SLC14A2: variants seen among roughly 807,000 people sequenced by gnomAD.
SLC14A2 encodes solute carrier family 14 member 2, also known as urea transporter 2.
Under a neutral mutation model 104.6 loss-of-function variants are expected in SLC14A2, and 91 were observed. The ratio of observed to expected loss-of-function variants is 0.87; its 90% CI spans 0.73 to 1.04. The LOEUF is 1.04. SLC14A2 is among the 50% of genes least tolerant of loss of function. SLC14A2 has a pLI of 0.00. For missense variants in SLC14A2, 1,189 were observed against 1,156.0 expected (o/e 1.03, Z -0.41); for synonymous variants, 476 against 466.4 (o/e 1.02, Z -0.27).
At chr18:45,295,042 G>A (rs2054832802) in intron 1 of SLC14A2, among the ~76,000 whole-genome samples, 1 of 152,058 alleles carries the variant, frequency 6.6e-6, no homozygotes, top group African/African-American at 2.4e-5. Context: ...ACCTCCAGTG[G>A]ACACGTAATG....
chr18:45,673,424 G>T (rs1428378928), intron 17 of SLC14A2, among the ~76,000 whole-genome samples: 1 of 152,182 alleles, frequency 6.6e-6, no homozygotes, highest in Non-Finnish European at 1.5e-5. Context: ...ATATTCTCTG[G>T]ACTGTTTAAA....
intron 2 of SLC14A2, among the ~76,000 whole-genome samples, chr18:45,542,555 T>C (rs1373983355): frequency 6.6e-6 from 1 of 152,136 alleles, no homozygotes; most frequent in Admixed American, 6.5e-5. Context: ...TCTTGTTTTA[T>C]ATAAGAAAAA....
At chr18:45,196,272 G>C in the SLC14A2 span, among the ~76,000 whole-genome samples, 1 of 152,344 alleles carries the variant, frequency 6.6e-6, no homozygotes, top group South Asian at 2.1e-4. Flanking sequence ...ACAATATCAA[G>C]TGCACCACAT....
intron 1 of SLC14A2, among the ~76,000 whole-genome samples, chr18:45,368,978 C>T (rs1013365390): frequency 5.9e-5 from 9 of 152,180 alleles, no homozygotes; most frequent in Non-Finnish European, 1.2e-4. Context: ...TCAGCAACAA[C>T]TCAGGCTGCT....
intron 2 of SLC14A2, among the ~76,000 whole-genome samples, chr18:45,595,734 G>C (rs941503794): frequency 6.6e-6 from 1 of 152,174 alleles, no homozygotes; most frequent in Non-Finnish European, 1.5e-5. Context: ...AATGCTCTCA[G>C]ACATGGCCTG....
chr18:45,446,905 CT>C (rs1210775247), intron 1 of SLC14A2, among the ~76,000 whole-genome samples: 2 of 152,178 alleles, frequency 1.3e-5, no homozygotes, highest in Non-Finnish European at 2.9e-5. Flanking sequence ...GAGCCCTCGG[CT>C]TCCTATCTCC....
chr18:45,189,669 G>A, the SLC14A2 span, among the ~76,000 whole-genome samples: 1 of 152,256 alleles, frequency 6.6e-6, no homozygotes, highest in Non-Finnish European at 1.5e-5. Context: ...AATCGTGTAT[G>A]TTTCACGTAA....
At chr18:45,366,634 A>G (rs2085668441) in intron 1 of SLC14A2, among the ~76,000 whole-genome samples, 2 of 152,012 alleles carry the variant, frequency 1.3e-5, no homozygotes, top group Non-Finnish European at 2.9e-5. Flanking sequence ...TACCCAGAAA[A>G]ACCAGCTACA....
At chr18:45,625,610 C>A in intron 2 of SLC14A2, 73 bp from the exon 3 acceptor site, 1 of 1,283,176 alleles carries the variant, frequency 7.8e-7, no homozygotes, top group South Asian at 1.5e-5. Context: ...AACCTGCCAC[C>A]CTCCTCTATC....
At chr18:45,174,990 G>A in the SLC14A2 span, among the ~76,000 whole-genome samples, 6 of 152,154 alleles carry the variant, frequency 3.9e-5, no homozygotes, top group African/African-American at 1.4e-4. Context: ...TCAAGGCTGT[G>A]GGGAAACAGA....
chr18:45,549,479 C>T (rs192136552), intron 2 of SLC14A2, among the ~76,000 whole-genome samples: 8 of 152,176 alleles, frequency 5.3e-5, no homozygotes, highest in African/African-American at 1.2e-4. Context: ...CTTGTTCAAG[C>T]GCACTTGTGA....
intron 1 of SLC14A2, among the ~76,000 whole-genome samples, chr18:45,412,559 G>T (rs1450473652): frequency 6.6e-6 from 1 of 152,084 alleles, no homozygotes; most frequent in African/African-American, 2.4e-5. Context: ...CCCCCCAGAG[G>T]AATCATCTGC....
chr18:45,521,461 G>C (rs1212723339), intron 2 of SLC14A2, among the ~76,000 whole-genome samples: 1 of 152,140 alleles, frequency 6.6e-6, no homozygotes, highest in African/African-American at 2.4e-5. Context: ...TCAGGGACCA[G>C]AGAGAGTAAC....
intron 1 of SLC14A2, among the ~76,000 whole-genome samples, chr18:45,305,847 T>C (rs994566513): frequency 2.0e-5 from 3 of 152,194 alleles, no homozygotes; most frequent in African/African-American, 7.2e-5. Flanking sequence ...GGCTCATTAA[T>C]TTCAGAGAAG....
At chr18:45,182,950 A>T in the SLC14A2 span, among the ~76,000 whole-genome samples, 1 of 152,198 alleles carries the variant, frequency 6.6e-6, no homozygotes, top group South Asian at 2.1e-4. Context: ...AATAAAAATC[A>T]TGAGGGAATA....
rs143125942 is a variant in SLC14A2 at position 45,549,106 on chromosome 18, T to C, written c.-35+65784T>C. Among the ~76,000 whole-genome samples, 133 of 152,356 alleles carry C rather than the reference T, an allele frequency of 8.7e-4. 2 individuals are homozygous for C. The East Asian group carries it at 0.025, about 28-fold the overall frequency. On this transcript the variant is annotated intron_variant, in intron 2 of 20. Coordinates refer to the SLC14A2 transcript ENST00000586448. ...CTTTCTTCACAGTCAGATATGGATA[T>C]GCGATGCTGCTCGAATAGAAGTAAA...
chr18:45,471,688 C>T (rs142565888), intron 1 of SLC14A2, among the ~76,000 whole-genome samples: 3 of 151,982 alleles, frequency 2.0e-5, no homozygotes, highest in Non-Finnish European at 4.4e-5. Context: ...TTCTTTTCAC[C>T]GTCTTGTTGC....
intron 1 of SLC14A2, among the ~76,000 whole-genome samples, chr18:45,240,919 A>G (rs9653014): frequency 0.18 from 27,474 of 152,012 alleles, 2,539 homozygotes; most frequent in African/African-American, 0.21. Context: ...CAGCCTCCCA[A>G]AGTGCTGGGA....
At chr18:45,325,135 A>T (rs1391377713) in intron 1 of SLC14A2, among the ~76,000 whole-genome samples, 1 of 152,220 alleles carries the variant, frequency 6.6e-6, no homozygotes, top group East Asian at 1.9e-4. Context: ...ATGAAAATTT[A>T]GGTGACAGTG....
Sources: gnomAD v4.1 joint callset for allele counts (sites outside exome capture counted in the v4.1 genomes callset) on GRCh38, gnomAD v4.1.1 for gene constraint, MANE v1.5 for transcripts, NCBI Gene and HGNC (gene_info 2026-07-23, HGNC 2026-07-21) for gene names.